Variants in TEK observed in about 807,000 individuals in gnomAD.
The protein encoded by TEK is TEK receptor tyrosine kinase.
In TEK, 43 loss-of-function variants were observed where a neutral mutation model predicts 131.8. That is an observed-to-expected ratio of 0.33 (90% CI 0.26 to 0.42). The LOEUF (loss-of-function observed/expected upper bound fraction) is 0.42, where lower values mean the gene tolerates loss of function less well. Ranked by LOEUF, TEK falls within the 10% of genes least tolerant of loss-of-function variation. The pLI is 1.00. For synonymous variants in TEK, 580 were observed against 491.6 expected, an observed-to-expected ratio of 1.18 and a Z score of -2.38; for missense variants, 1,162 against 1,384.4, an observed-to-expected ratio of 0.84 and a Z score of 2.55.
At chr9:27,148,772 A>G (rs544631392) in intron 1 of TEK, among the ~76,000 whole-genome samples, 26 of 152,322 alleles carry the variant, frequency 1.7e-4, no homozygotes, top group African/African-American at 6.0e-4. Flanking sequence ...GTGAATTGCT[A>G]TTGGTTCAAC....
Position 27,229,444 on chromosome 9 carries a change from C to T in TEK, c.*212C>T. 1 of 584,742 alleles carries T rather than the reference C, an allele frequency of 1.7e-6. No homozygotes were observed. 36.2% of individuals were successfully genotyped at this position (584,742 alleles called of 1,614,324 possible). A position where few individuals can be genotyped will look rare whatever the true frequency, so the allele number is the denominator to read the frequency against. On this transcript the variant is annotated 3_prime_UTR_variant, in exon 23 of 23. Coordinates refer to ENST00000380036, the MANE Select transcript of TEK (RefSeq NM_000459.5). ...CTGTATATACTGTTTTAAGAATGGG[C>T]TGAAATCAGAATGCCTGTTTGTGGT...
intron 6 of TEK, among the ~76,000 whole-genome samples, chr9:27,173,910 A>G (rs559059941): frequency 6.7e-6 from 1 of 149,472 alleles, no homozygotes; most frequent in Non-Finnish European, 1.5e-5. Flanking sequence ...AGCCTGGGCA[A>G]CAGAGTGAGA....
At chr9:27,220,242 T>A in intron 21 of TEK, 97 bp downstream of exon 21, 1 of 1,075,872 alleles carries the variant, frequency 9.3e-7, no homozygotes, top group East Asian at 2.5e-5. Flanking sequence ...GTATACACTA[T>A]ACACAAACAC....
intron 9 of TEK, among the ~76,000 whole-genome samples, chr9:27,187,196 A>G (rs1824631709): frequency 6.6e-6 from 1 of 152,216 alleles, no homozygotes; most frequent in South Asian, 2.1e-4. Flanking sequence ...CACAACATCA[A>G]TGTGTAGAAG....
At chr9:27,186,295 G>A (rs757964629) in intron 9 of TEK, among the ~76,000 whole-genome samples, 9 of 152,126 alleles carry the variant, frequency 5.9e-5, no homozygotes, top group Non-Finnish European at 1.0e-4. Flanking sequence ...GCTGGTGTAC[G>A]TAGCTACAGC....
At chr9:27,214,743 T>C (rs1825757652) in intron 18 of TEK, among the ~76,000 whole-genome samples, 1 of 152,192 alleles carries the variant, frequency 6.6e-6, no homozygotes, top group Admixed American at 6.5e-5. Context: ...CTTTCCACTC[T>C]CCTTTCTGAT....
Position 27,160,278 on chromosome 9 carries a change from G to A in TEK, c.364+2136G>A, listed in dbSNP as rs553600493. On this transcript the variant is annotated intron_variant, in intron 2 of 22. Transcript: ENST00000380036. ...AGCTTCAAGCCATCCTCCCACTATG[G>A]CCTCTCAAAGTGCTGGGATTATAGG... is the stretch of plus-strand genomic sequence containing the variant. 2.6e-5 allele frequency among the ~76,000 whole-genome samples: 4 copies of A among 152,162 alleles called. No individual in the cohort carries two copies. In the South Asian group the frequency reaches 6.2e-4, roughly 24 times the overall value.
At chr9:27,204,196 G>A (rs1426646276) in intron 13 of TEK, among the ~76,000 whole-genome samples, 1 of 152,144 alleles carries the variant, frequency 6.6e-6, no homozygotes, top group Non-Finnish European at 1.5e-5. Flanking sequence ...AGAGATAGAA[G>A]AAAAGATAAA....
intron 1 of TEK, among the ~76,000 whole-genome samples, chr9:27,155,499 T>C (rs1823299390): frequency 6.6e-6 from 1 of 152,238 alleles, no homozygotes; most frequent in South Asian, 2.1e-4. Flanking sequence ...TTTTTCTTTC[T>C]AATCATTCAG....
chr9:27,222,082 T>C (rs1201506863), intron 21 of TEK, among the ~76,000 whole-genome samples: 2 of 152,108 alleles, frequency 1.3e-5, no homozygotes, highest in Non-Finnish European at 2.9e-5. Context: ...CACGAATACT[T>C]CTAGAAGCAT....
intron 1 of TEK, among the ~76,000 whole-genome samples, chr9:27,112,047 G>A (rs1168632782): frequency 6.6e-6 from 1 of 151,978 alleles, no homozygotes; most frequent in Non-Finnish European, 1.5e-5. Flanking sequence ...ACAGGCGTGC[G>A]CCACCATGCC....
At position 27,192,544 on chromosome 9, in the gene TEK, CTG is replaced by C; in HGVS notation, c.1550_1551del (p.Val517AlafsTer37). 1 of 1,613,984 alleles carries C rather than the reference CTG, an allele frequency of 6.2e-7. No homozygotes were observed. Among genetic ancestry groups the C allele is most frequent in the Non-Finnish European group, 8.5e-7 (1 of 1,179,922 alleles). On this transcript the variant is annotated frameshift_variant, in exon 11 of 23. Transcript: ENST00000380036. LOFTEE classifies it high-confidence loss of function. ...TGGAACCTCGGACAGAATATGAACT[CTG>C]TGTGCAACTGGTCCGTCGTGGAGAG... ...YLEPRTEYEL[C>X]VQLVRRGEGG...
chr9:27,148,943 A>G (rs62544604), intron 1 of TEK, among the ~76,000 whole-genome samples: 18,789 of 152,252 alleles, frequency 0.12, 1,502 homozygotes, highest in Middle Eastern at 0.27. Context: ...GATAAAATCT[A>G]TCAGTGTTTT....
At chr9:27,163,122 A>C (rs1823605661) in intron 2 of TEK, among the ~76,000 whole-genome samples, 1 of 152,196 alleles carries the variant, frequency 6.6e-6, no homozygotes, top group Admixed American at 6.5e-5. Context: ...GTCTTTATCA[A>C]ATATATATCA....
At chr9:27,222,532 G>C (rs992826115) in intron 21 of TEK, among the ~76,000 whole-genome samples, 4 of 152,162 alleles carry the variant, frequency 2.6e-5, no homozygotes, top group African/African-American at 9.7e-5. Flanking sequence ...GAAACCCTAC[G>C]AGCCAGAAGA....
chr9:27,201,831 C>T lies in TEK; in HGVS notation c.1910-989C>T, dbSNP rs529877864. Among the ~76,000 whole-genome samples, 179 of 152,274 alleles carry T rather than the reference C, an allele frequency of 1.2e-3. 2 individuals carry two copies. Among genetic ancestry groups the T allele is most frequent in the Middle Eastern group, 3.4e-3 (1 of 294 alleles). On this transcript the variant is annotated intron_variant, in intron 12 of 22. Coordinates refer to ENST00000380036, the MANE Select transcript of TEK (RefSeq NM_000459.5). ...TATGTCTACTATTCGCCTACTGGGA[C>T]AAGTACAAACCCCTTAAACTTTTGA...
At chr9:27,202,721 T>C in intron 12 of TEK, 99 bp from the exon 13 acceptor site, 2 of 1,303,676 alleles carry the variant, frequency 1.5e-6, no homozygotes, top group Non-Finnish European at 2.2e-6. Flanking sequence ...AAACATTTGT[T>C]TGCCTTATAT....
At chr9:27,210,867 C>T (rs904972144) in intron 16 of TEK, among the ~76,000 whole-genome samples, 8 of 152,084 alleles carry the variant, frequency 5.3e-5, no homozygotes, top group Non-Finnish European at 1.2e-4. Context: ...GCCTATAATC[C>T]CAGCACTTTG....
At chr9:27,172,784 A>G (rs777013864) in intron 5 of TEK, 37 bp downstream of exon 5, 8 of 1,611,568 alleles carry the variant, frequency 5.0e-6, no homozygotes, top group Non-Finnish European at 6.8e-6. Context: ...CTGTGGATTT[A>G]AAAAGCCATC....
Sources: gnomAD v4.1 joint callset for allele counts (sites outside exome capture counted in the v4.1 genomes callset) on GRCh38, gnomAD v4.1.1 for gene constraint, MANE v1.5 for transcripts, NCBI Gene and HGNC (gene_info 2026-07-23, HGNC 2026-07-21) for gene names.